Variants in USH2A observed in about 807,000 individuals in gnomAD.
USH2A encodes the protein Usher syndrome 2A (autosomal recessive, mild).
Under a neutral mutation model 538.9 loss-of-function variants are expected in USH2A, and 443 were observed. The observed-to-expected ratio is 0.82, with a 90% CI of 0.76 to 0.89. USH2A has a LOEUF of 0.89. USH2A is among the 40% of genes least tolerant of loss of function. The probability of loss-of-function intolerance (pLI) is 0.00; values close to 1 mark genes in which losing one functional copy is unlikely to be tolerated. For missense variants in USH2A, 6,633 were observed against 6,324.8 expected (o/e 1.05, Z -1.65); for synonymous variants, 2,413 against 2,273.5 (o/e 1.06, Z -1.75).
intron 44 of USH2A, among the ~76,000 whole-genome samples, chr1:215,854,298 A>G (rs1664098294): frequency 6.6e-6 from 1 of 152,140 alleles, no homozygotes; most frequent in Non-Finnish European, 1.5e-5. Context: ...GACCCACCCT[A>G]TGATTCAATT....
chr1:216,222,980 G>A (rs1315891765), intron 14 of USH2A, among the ~76,000 whole-genome samples: 99 of 111,886 alleles, frequency 8.8e-4, no homozygotes, highest in African/African-American at 9.4e-4. Flanking sequence ...CTCCATCTCA[G>A]AAAAAAAAAA....
chr1:216,018,907 T>A (rs1668781169), intron 32 of USH2A, among the ~76,000 whole-genome samples: 1 of 152,154 alleles, frequency 6.6e-6, no homozygotes, highest in Non-Finnish European at 1.5e-5. Flanking sequence ...TTTTTCTAAT[T>A]GAAAGCTAAT....
At chr1:216,317,267 T>C (rs1230776199) in intron 9 of USH2A, among the ~76,000 whole-genome samples, 1 of 152,166 alleles carries the variant, frequency 6.6e-6, no homozygotes, top group East Asian at 1.9e-4. Flanking sequence ...TTGGAAGTCA[T>C]TATTCTCAGC....
intron 71 of USH2A, among the ~76,000 whole-genome samples, chr1:215,627,375 CCCTT>C (rs1365031977): frequency 7.6e-6 from 1 of 131,062 alleles, no homozygotes; most frequent in Non-Finnish European, 1.6e-5. Flanking sequence ...CTCCCTCCCT[CCCTT>C]CCTTCTTTCC....
intron 34 of USH2A, among the ~76,000 whole-genome samples, chr1:215,994,359 G>A (rs1011718364): frequency 5.3e-5 from 8 of 152,060 alleles, no homozygotes; most frequent in East Asian, 1.9e-4. Flanking sequence ...TTTCCCCAAA[G>A]ACAGAAGGAA....
chr1:216,034,626 T>C (rs781542787), intron 32 of USH2A, among the ~76,000 whole-genome samples: 7 of 152,066 alleles, frequency 4.6e-5, no homozygotes, highest in Non-Finnish European at 1.0e-4. Flanking sequence ...TATGTAATGA[T>C]ACAAGCAGAG....
chr1:216,315,643 G>A (rs1455748414), intron 9 of USH2A, among the ~76,000 whole-genome samples: 1 of 152,070 alleles, frequency 6.6e-6, no homozygotes, highest in African/African-American at 2.4e-5. Context: ...CACTAGTTTT[G>A]CCAGATGTTA....
At chr1:216,392,773 A>C (rs2039133841) in intron 3 of USH2A, among the ~76,000 whole-genome samples, 1 of 152,214 alleles carries the variant, frequency 6.6e-6, no homozygotes, top group Non-Finnish European at 1.5e-5. Context: ...ATATCAGAGC[A>C]AAATTACTGG....
intron 65 of USH2A, 24 bp from the exon 66 acceptor site, chr1:215,648,790 T>C (rs1486705304): frequency 5.6e-6 from 9 of 1,601,380 alleles, no homozygotes; most frequent in South Asian, 4.4e-5. Context: ...GAAGGCTAGA[T>C]AAAGGCAGTG....
chr1:215,902,442 C>A (rs1449018669), intron 38 of USH2A, among the ~76,000 whole-genome samples: 1 of 152,128 alleles, frequency 6.6e-6, no homozygotes, highest in Non-Finnish European at 1.5e-5. Context: ...CTGTGCTAAG[C>A]AGTACTCTTC....
chr1:215,785,442 C>G (rs1234796468), intron 52 of USH2A, among the ~76,000 whole-genome samples: 1 of 152,138 alleles, frequency 6.6e-6, no homozygotes, highest in East Asian at 1.9e-4. Context: ...TGGCGAGTAA[C>G]TTTTACAGAT....
At chr1:215,698,295 T>G (rs965562973) in intron 61 of USH2A, among the ~76,000 whole-genome samples, 2 of 152,358 alleles carry the variant, frequency 1.3e-5, no homozygotes, top group East Asian at 3.9e-4. Context: ...TATGTGCATG[T>G]GTCTTTATAC....
At chr1:216,252,339 T>A (rs2036179010) in intron 11 of USH2A, among the ~76,000 whole-genome samples, 1 of 152,228 alleles carries the variant, frequency 6.6e-6, no homozygotes. Context: ...CCCACTGATT[T>A]TCTTTCACTT....
At chr1:216,091,325 A>G (rs997273444) in intron 22 of USH2A, among the ~76,000 whole-genome samples, 1 of 152,214 alleles carries the variant, frequency 6.6e-6, no homozygotes, top group African/African-American at 2.4e-5. Flanking sequence ...ATGTCACTGA[A>G]CATAGAATAT....
At chr1:215,697,535 T>TG (rs397824914) in intron 61 of USH2A, among the ~76,000 whole-genome samples, 1 of 152,056 alleles carries the variant, frequency 6.6e-6, no homozygotes. Context: ...ATATTTTTTT[T>TG]GTTGAGATGG....
At chr1:216,323,427 A>G (rs2037657091) in intron 8 of USH2A, 47 bp downstream of exon 8, 1 of 1,583,528 alleles carries the variant, frequency 6.3e-7, no homozygotes, top group African/African-American at 1.3e-5. Flanking sequence ...CTGTTAAGAC[A>G]GTAAGTATGA....
At chr1:215,796,504 A>C (rs1430993563) in intron 50 of USH2A, among the ~76,000 whole-genome samples, 4 of 151,924 alleles carry the variant, frequency 2.6e-5, no homozygotes, top group Non-Finnish European at 5.9e-5. Context: ...TTAGCGTGTC[A>C]TGAACCTTGC....
At chr1:215,929,851 G>A (rs1398264905) in intron 38 of USH2A, among the ~76,000 whole-genome samples, 4 of 151,860 alleles carry the variant, frequency 2.6e-5, no homozygotes, top group South Asian at 2.1e-4. Context: ...ATGCTTTTGC[G>A]ATGTGCCTAA....
intron 38 of USH2A, among the ~76,000 whole-genome samples, chr1:215,926,986 A>G (rs145552930): frequency 6.6e-6 from 1 of 152,242 alleles, no homozygotes; most frequent in East Asian, 1.9e-4. Context: ...TGGATAGTTG[A>G]CTACTCTGTA....
Sources: gnomAD v4.1 joint callset for allele counts (sites outside exome capture counted in the v4.1 genomes callset) on GRCh38, gnomAD v4.1.1 for gene constraint, MANE v1.5 for transcripts, NCBI Gene and HGNC (gene_info 2026-07-23, HGNC 2026-07-21) for gene names.